Variants in USB1 observed in about 807,000 individuals in gnomAD.
The protein encoded by USB1 is U6 snRNA phosphodiesterase 1.
In USB1, 21 loss-of-function variants were observed where a neutral mutation model predicts 29.9. The observed-to-expected ratio is 0.70, with a 90% confidence interval of 0.50 to 1.01. The LOEUF is 1.01. Among genes scored for constraint, USB1 ranks in the 50% least tolerant of loss-of-function variants. The pLI, the probability that USB1 is intolerant of heterozygous loss-of-function variation, is 0.00. For synonymous variants in USB1, 143 were observed against 134.9 expected, an observed-to-expected ratio of 1.06 and a Z score of -0.42; for missense variants, 330 against 347.1, an observed-to-expected ratio of 0.95 and a Z score of 0.39.
chr16:58,013,629 G>T lies in USB1; in HGVS notation c.450-644G>T. 1.0e-6 allele frequency: 1 copy of T among 985,848 alleles called. No individual in the cohort carries two copies. The highest frequency in any genetic ancestry group is 1.2e-6 in the Non-Finnish European group (1 of 830,438). 61.1% of individuals were successfully genotyped at this position (985,848 alleles called of 1,614,324 possible). ...GTGGGTGGGTGGGGGCATCTGTCTCGATTTCACACCAACAGACCTATTCCC... is the reference window on the plus strand; with the variant it reads ...GTGGGTGGGTGGGGGCATCTGTCTCTATTTCACACCAACAGACCTATTCCC... On this transcript the variant is annotated intron_variant, in intron 3 of 6. Transcript: ENST00000219281. This position sits in a 1 kb window ranked among gnomAD's most constrained non-coding sequence, Gnocchi z 4.3.
intron 3 of USB1, chr16:58,012,561 C>G: frequency 7.2e-7 from 1 of 1,388,666 alleles, no homozygotes; most frequent in Non-Finnish European, 9.4e-7. Flanking sequence ...AATGGTGTAC[C>G]AGCCTGGAAA....
At chr16:58,014,716 G>A (rs1313788462) in intron 4 of USB1, among the ~76,000 whole-genome samples, 2 of 152,150 alleles carry the variant, frequency 1.3e-5, no homozygotes, top group Non-Finnish European at 2.9e-5. Flanking sequence ...CCTGGAGGTC[G>A]AGGCTGCAGT....
chr16:58,000,924 C>A (rs1161772691), upstream of USB1, among the ~76,000 whole-genome samples: 3 of 152,122 alleles, frequency 2.0e-5, no homozygotes, highest in Admixed American at 2.0e-4. This position sits in a 1 kb window ranked among gnomAD's most constrained non-coding sequence, Gnocchi z 4.5. Context: ...GGGGAGGGGG[C>A]TCCGGGTGAC....
At chr16:58,001,671 A>T (rs1243328658) in intron 1 of USB1, 90 bp downstream of exon 1, 2 of 1,414,578 alleles carry the variant, frequency 1.4e-6, no homozygotes, top group Non-Finnish European at 2.0e-6. Flanking sequence ...GTGGGGAGGG[A>T]GGATGCGGGG....
In USB1 at chr16:58,017,436, C is replaced by T. The variant is rs764176381; in HGVS notation, c.606C>T (p.Tyr202=). Reference sequence around the variant, plus strand: ...AGGAATTCAACCTCACCACTTTCTACCAGGTAATGAATGGGGCTGCTGCTT... The same window carrying T: ...AGGAATTCAACCTCACCACTTTCTATCAGGTAATGAATGGGGCTGCTGCTT... ...VMEEFNLTTF[Y]QDPSFHLSLA... The change falls in exon 5 of 7, where the codon TAC becomes TAT. Residue 202 remains tyrosine, a synonymous_variant. Coordinates refer to ENST00000219281, the MANE Select transcript of USB1 (RefSeq NM_024598.4). 39 of 1,613,262 alleles carry T rather than the reference C, an allele frequency of 2.4e-5. 1 individual carries two copies. Among genetic ancestry groups the T allele is most frequent in the Non-Finnish European group, 2.5e-5 (30 of 1,179,272 alleles).
intron 3 of USB1, chr16:58,012,053 A>G (rs1567421021): frequency 5.5e-6 from 7 of 1,277,634 alleles, no homozygotes; most frequent in South Asian, 5.6e-5. Flanking sequence ...ACAGAAATAA[A>G]CAGTCTTCTA....
chr16:58,009,659 AGCTT>A (rs1490671749), intron 2 of USB1, among the ~76,000 whole-genome samples: 1 of 151,594 alleles, frequency 6.6e-6, no homozygotes, highest in African/African-American at 2.4e-5. Context: ...CGGGAAACGG[AGCTT>A]GCAGTGAGCC....
chr16:58,001,723 T>G (rs1421763565), intron 1 of USB1, 142 bp downstream of exon 1: 2 of 1,027,034 alleles, frequency 1.9e-6, no homozygotes, highest in Non-Finnish European at 2.9e-6. Context: ...GAAAGGAGGA[T>G]CCAGAAGATA....
intron 2 of USB1, among the ~76,000 whole-genome samples, chr16:58,008,558 G>A (rs889723849): frequency 7.3e-5 from 11 of 150,628 alleles, no homozygotes; most frequent in African/African-American, 2.7e-4. Context: ...GGTTCAAGTG[G>A]TTCTCCTGTC....
At chr16:58,017,283 C>T in intron 4 of USB1, 51 bp from the exon 5 acceptor site, 1 of 1,553,316 alleles carries the variant, frequency 6.4e-7, no homozygotes, top group Non-Finnish European at 8.9e-7. Context: ...GCGCAGATGG[C>T]TGTGTTCTCA....
rs527401961 is a variant in USB1 at position 58,020,505 on chromosome 16, TTCCTC to T, written c.*268_*272del. The T allele has an allele frequency of 3.8e-6, 2 of 527,044 alleles. No homozygotes were observed. The highest frequency in any genetic ancestry group is 6.9e-6 in the Non-Finnish European group (2 of 291,706). 32.6% of individuals were successfully genotyped at this position (527,044 alleles called of 1,614,324 possible). Reference sequence around the variant, plus strand: ...CTCTCCTCTCTTCCTCTCTTCTCTCTTCCTCTCCTCTCTCTCTTCCTCTTCTCTCT... The same window carrying T: ...CTCTCCTCTCTTCCTCTCTTCTCTCTTCCTCTCTCTCTTCCTCTTCTCTCT... On this transcript the variant is annotated 3_prime_UTR_variant, in exon 7 of 7. Coordinates refer to ENST00000219281, the MANE Select transcript of USB1 (RefSeq NM_024598.4).
At chr16:58,017,726 A>T (rs1038078601) in intron 5 of USB1, among the ~76,000 whole-genome samples, 3 of 152,166 alleles carry the variant, frequency 2.0e-5, no homozygotes, top group African/African-American at 7.2e-5. Flanking sequence ...TTGTTTTCAC[A>T]TTTTTTAAGT....
At chr16:58,019,279 C>G (rs1287140461) in intron 6 of USB1, among the ~76,000 whole-genome samples, 4 of 152,116 alleles carry the variant, frequency 2.6e-5, no homozygotes, top group African/African-American at 9.7e-5. Context: ...CCCCCACCCC[C>G]ACCAAGACCT....
At chr16:58,005,864 G>A (rs1268443552) in intron 2 of USB1, among the ~76,000 whole-genome samples, 1 of 152,106 alleles carries the variant, frequency 6.6e-6, no homozygotes, top group Non-Finnish European at 1.5e-5. Context: ...TTTGCTGGGG[G>A]TGCTAAGGTA....
chr16:58,020,746 T>G lies in USB1; in HGVS notation c.*501T>G. ...TCTATCTCTTCCTCTCCTCTCTCTC[T>G]TCCTCTCCTCTCTCTCTCTTGCTTT... On this transcript the variant is annotated 3_prime_UTR_variant, in exon 7 of 7. Transcript: ENST00000219281. The G allele has an allele frequency of 5.1e-6, 1 of 195,494 alleles. No homozygotes were observed. Among genetic ancestry groups the G allele is most frequent in the Non-Finnish European group, 1.1e-5 (1 of 93,114 alleles). The allele number at this position is 195,494 out of a possible 1,614,324, so 12.1% of individuals were successfully genotyped here.
chr16:58,008,922 GT>G (rs1963426204), intron 2 of USB1, among the ~76,000 whole-genome samples: 1 of 152,150 alleles, frequency 6.6e-6, no homozygotes, highest in Non-Finnish European at 1.5e-5. Context: ...TTAGAAGTGT[GT>G]TTTTTAATCT....
At position 58,020,762 on chromosome 16, in the gene USB1, C is replaced by T. The variant is rs1033766875; in HGVS notation, c.*517C>T. The T allele has an allele frequency of 1.6e-5, 3 of 189,310 alleles. No homozygotes were observed. The highest frequency in any genetic ancestry group is 3.4e-5 in the Non-Finnish European group (3 of 89,144). 11.7% of individuals were successfully genotyped at this position (189,310 alleles called of 1,614,324 possible). A position where few individuals can be genotyped will look rare whatever the true frequency, so the allele number is the denominator to read the frequency against. On this transcript the variant is annotated 3_prime_UTR_variant, in exon 7 of 7. Transcript: ENST00000219281. ...CTCTCTCTCTTCCTCTCCTCTCTCT[C>T]TCTTGCTTTCTTCTCTCTCTCCTGT... is the stretch of plus-strand genomic sequence containing the variant.
Position 58,013,065 on chromosome 16 carries a change from T to G in USB1, c.450-1208T>G. 2 of 985,540 alleles carry G rather than the reference T, an allele frequency of 2.0e-6. No individual in the cohort carries two copies. The highest frequency in any genetic ancestry group is 1.2e-6 in the Non-Finnish European group (1 of 830,022). The allele number at this position is 985,540 out of a possible 1,614,324, so 61.0% of individuals were successfully genotyped here. On this transcript the variant is annotated intron_variant, in intron 3 of 6. Transcript: ENST00000219281. This position sits in a 1 kb window ranked among gnomAD's most constrained non-coding sequence, Gnocchi z 4.3. ...CGGGCAGGTGTGGTCTGTTCAACTT[T>G]GATCATCTGGTTGAGCCTAAGGTGA...
rs112095354 is a variant in USB1 at position 58,009,741 on chromosome 16, T to TAATA, written c.266-168_266-165dup. Among the ~76,000 whole-genome samples the TAATA allele has an allele frequency of 2.9e-3, 441 of 150,076 alleles. 1 individual carries two copies. Among genetic ancestry groups the TAATA allele is most frequent in the African/African-American group, 5.7e-3 (232 of 40,968 alleles). ...CTCCTTCTCAAAAAAAAAAAAATAA[T>TAATA]AATAAATAAATAAATAAATAAATGA... On this transcript the variant is annotated intron_variant, in intron 2 of 6. Coordinates refer to ENST00000219281, the MANE Select transcript of USB1 (RefSeq NM_024598.4).
Sources: allele counts gnomAD v4.1 joint callset (sites outside exome capture counted in the v4.1 genomes callset), GRCh38; gene constraint gnomAD v4.1.1; non-coding constraint Gnocchi (gnomAD v3.1); transcripts MANE v1.5; gene names NCBI Gene and HGNC (gene_info 2026-07-23, HGNC 2026-07-21).